Variants in GRIA4 observed in about 807,000 individuals in gnomAD.
GRIA4 encodes glutamate ionotropic receptor AMPA type subunit 4.
In GRIA4, 34 loss-of-function variants were observed where a neutral mutation model predicts 104.0. The observed-to-expected ratio is 0.33, with a 90% confidence interval of 0.25 to 0.44. The LOEUF (loss-of-function observed/expected upper bound fraction) is 0.44, where lower values mean the gene tolerates loss of function less well. Ranked by LOEUF, GRIA4 falls within the 20% of genes least tolerant of loss-of-function variation. The pLI is 1.00. For synonymous variants in GRIA4, 386 were observed against 381.9 expected (o/e 1.01, Z -0.13); for missense variants, 750 against 1,096.5 (o/e 0.68, Z 4.46).
intron 3 of GRIA4, among the ~76,000 whole-genome samples, chr11:105,734,565 C>G (rs900978755): frequency 6.6e-5 from 10 of 152,102 alleles, no homozygotes; most frequent in African/African-American, 2.4e-4. Flanking sequence ...TTCCCATCTT[C>G]CTTAGGATAA....
intron 3 of GRIA4, among the ~76,000 whole-genome samples, chr11:105,687,335 G>A (rs921208119): frequency 6.6e-6 from 1 of 152,124 alleles, no homozygotes; most frequent in Admixed American, 6.5e-5. Flanking sequence ...GATAACAAGT[G>A]TACGTCAATG....
chr11:105,715,861 AG>A (rs1475881253), intron 3 of GRIA4, among the ~76,000 whole-genome samples: 2 of 152,146 alleles, frequency 1.3e-5, no homozygotes, highest in South Asian at 4.1e-4. Flanking sequence ...CAGGAAAACA[AG>A]TACAAAGTAC....
intron 3 of GRIA4, among the ~76,000 whole-genome samples, chr11:105,680,236 C>T (rs11226823): frequency 1.0e-3 from 153 of 152,190 alleles, no homozygotes; most frequent in African/African-American, 3.5e-3. Flanking sequence ...AGGATACAAA[C>T]ATTTTGCTAG....
intron 3 of GRIA4, among the ~76,000 whole-genome samples, chr11:105,678,485 T>C (rs1952610859): frequency 6.6e-6 from 1 of 152,130 alleles, no homozygotes; most frequent in African/African-American, 2.4e-5. Flanking sequence ...AATTTTCTAT[T>C]CATAAGTGTT....
intron 3 of GRIA4, among the ~76,000 whole-genome samples, chr11:105,667,749 A>G (rs1032058296): frequency 2.6e-5 from 4 of 152,040 alleles, no homozygotes; most frequent in African/African-American, 9.7e-5. Context: ...GTTTTGATAT[A>G]TGTGTACATT....
At chr11:105,610,497 G>C (rs1044793831) in intron 1 of GRIA4, 69 bp downstream of exon 1, 1 of 156,146 alleles carries the variant, frequency 6.4e-6, no homozygotes, top group African/African-American at 2.4e-5. Context: ...GCGCGCTCGA[G>C]GAGGGGACGC....
At chr11:105,736,754 G>A (rs1297553787) in intron 3 of GRIA4, among the ~76,000 whole-genome samples, 3 of 151,698 alleles carry the variant, frequency 2.0e-5, no homozygotes, top group Non-Finnish European at 4.4e-5. Context: ...TTGGTTTTAA[G>A]GGATTCAAAC....
intron 5 of GRIA4, among the ~76,000 whole-genome samples, chr11:105,863,151 G>C (rs1848866103): frequency 1.3e-5 from 2 of 152,016 alleles, no homozygotes; most frequent in Admixed American, 1.3e-4. Context: ...AATAACTTTA[G>C]TATTCAATTG....
intron 14 of GRIA4, among the ~76,000 whole-genome samples, chr11:105,954,584 T>C (rs1948537034): frequency 6.6e-6 from 1 of 152,158 alleles, no homozygotes; most frequent in Admixed American, 6.5e-5. Context: ...GTATAGTTTA[T>C]TCTCAGACTA....
At chr11:105,662,539 A>C (rs1952043883) in intron 3 of GRIA4, among the ~76,000 whole-genome samples, 1 of 151,866 alleles carries the variant, frequency 6.6e-6, no homozygotes, top group South Asian at 2.1e-4. Context: ...ACGAAAAAGG[A>C]ATCTGTCAAA....
chr11:105,787,506 T>C (rs1942024501), intron 4 of GRIA4, among the ~76,000 whole-genome samples: 1 of 140,022 alleles, frequency 7.1e-6, no homozygotes, highest in Non-Finnish European at 1.5e-5. Flanking sequence ...GATGGAGTCT[T>C]GTTCTGTCGC....
chr11:105,712,850 G>GA (rs1384980171), intron 3 of GRIA4, among the ~76,000 whole-genome samples: 4 of 150,346 alleles, frequency 2.7e-5, no homozygotes, highest in East Asian at 2.0e-4. Flanking sequence ...GCCCAATGTG[G>GA]AAAAAAAAGA....
At chr11:105,858,484 C>T (rs1328628568) in intron 4 of GRIA4, among the ~76,000 whole-genome samples, 1 of 152,100 alleles carries the variant, frequency 6.6e-6, no homozygotes, top group Non-Finnish European at 1.5e-5. Flanking sequence ...TCTCCTCAAG[C>T]ATTTATTCTT....
At chr11:105,695,484 G>C (rs981722205) in intron 3 of GRIA4, among the ~76,000 whole-genome samples, 1 of 124,096 alleles carries the variant, frequency 8.1e-6, no homozygotes, top group East Asian at 2.7e-4. Flanking sequence ...GTGTCTGTGT[G>C]TGTGTGTGTG....
chr11:105,947,479 A>G (rs1320766027), intron 14 of GRIA4, among the ~76,000 whole-genome samples: 1 of 152,182 alleles, frequency 6.6e-6, no homozygotes, highest in Non-Finnish European at 1.5e-5. Flanking sequence ...GAATTCTTAT[A>G]AAATACTTCA....
At chr11:105,665,210 A>T (rs1236181222) in intron 3 of GRIA4, among the ~76,000 whole-genome samples, 1 of 151,988 alleles carries the variant, frequency 6.6e-6, no homozygotes, top group African/African-American at 2.4e-5. Context: ...ATGAGAGTCA[A>T]ATTATTATAT....
At chr11:105,779,167 T>G (rs1165084053) in intron 4 of GRIA4, among the ~76,000 whole-genome samples, 1 of 152,024 alleles carries the variant, frequency 6.6e-6, no homozygotes, top group Non-Finnish European at 1.5e-5. Flanking sequence ...TGCCAAATTT[T>G]CTTGATCCTA....
intron 3 of GRIA4, among the ~76,000 whole-genome samples, chr11:105,750,617 T>C (rs1221155699): frequency 6.6e-6 from 1 of 152,098 alleles, no homozygotes; most frequent in Non-Finnish European, 1.5e-5. Flanking sequence ...TTAAATAGTA[T>C]AGTGAGTACC....
In GRIA4 at chr11:105,752,999, G is replaced by A; in HGVS notation, c.266G>A (p.Arg89Lys). The A allele has an allele frequency of 6.2e-7, 1 of 1,613,098 alleles. No individual in the cohort carries two copies. The highest frequency in any genetic ancestry group is 2.2e-5 in the East Asian group (1 of 44,862). The change falls in exon 4 of 17, where the codon AGA becomes AAA. Residue 89 changes from arginine (R) to lysine (K), a missense_variant. By Grantham distance (26) the Arg-to-Lys change is conservative. Coordinates refer to ENST00000282499, the MANE Select transcript of GRIA4 (RefSeq NM_000829.4). ...VTNAFCSQYS[R>K]GVFAIFGLYD... ...GTTTCAGTCTGTTCCCAGTATTCTA[G>A]AGGAGTATTTGCCATTTTTGGACTC...
Sources: gnomAD v4.1 joint callset for allele counts (sites outside exome capture counted in the v4.1 genomes callset) on GRCh38, gnomAD v4.1.1 for gene constraint, MANE v1.5 for transcripts, NCBI Gene and HGNC (gene_info 2026-07-23, HGNC 2026-07-21) for gene names.